The following H1-0 variants were observed in gnomAD, a reference collection of about 807,000 sequenced individuals.
H1-0 encodes the protein histone H1.0.
In H1-0, 5 loss-of-function variants were observed where a neutral mutation model predicts 8.8. The observed-to-expected ratio is 0.57, with a 90% CI of 0.30 to 1.19. The LOEUF (loss-of-function observed/expected upper bound fraction) is 1.19. Ranked by LOEUF, H1-0 falls within the 50% of genes most tolerant of loss-of-function variation. The probability of loss-of-function intolerance (pLI) is 0.08; values close to 1 mark genes in which losing one functional copy is unlikely to be tolerated. For missense variants in H1-0, 231 were observed against 242.0 expected, an observed-to-expected ratio of 0.95 and a Z score of 0.30; for synonymous variants, 143 against 101.4, an observed-to-expected ratio of 1.41 and a Z score of -2.46.
At position 37,805,965 on chromosome 22, in the gene H1-0, A is replaced by AC. The variant is rs1569075491; in HGVS notation, c.425dup (p.Val143GlyfsTer91). The AC allele has an allele frequency of 6.2e-7, 1 of 1,613,796 alleles. No homozygotes were observed. ...AGCCCCAACCAAGAAACCCAAAGCCACCCCGGTCAAGAAGGCCAAGAAGAA... is the reference window on the plus strand; with the variant it reads ...AGCCCCAACCAAGAAACCCAAAGCCACCCCCGGTCAAGAAGGCCAAGAAGAA... On this transcript the variant is annotated frameshift_variant, in exon 1 of 1. Coordinates refer to ENST00000340857, the MANE Select transcript of H1-0 (RefSeq NM_005318.4). LOFTEE classifies it high-confidence loss of function.
Position 37,805,294 on chromosome 22 carries a change from C to CG in H1-0, c.-250dup. 3.8e-4 allele frequency: 2 copies of CG among 5,326 alleles called. No individual in the cohort carries two copies. The highest frequency in any genetic ancestry group is 8.4e-4 in the Non-Finnish European group (1 of 1,190). 0.3% of individuals were successfully genotyped at this position (5,326 alleles called of 1,614,324 possible). A position where few individuals can be genotyped will look rare whatever the true frequency, so the allele number is the denominator to read the frequency against. On this transcript the variant is annotated 5_prime_UTR_variant, in exon 1 of 1. Transcript: ENST00000340857. ...CAGAGGCAGAGGCAGAGGCAGAGCC[C>CG]GAGCCCGGTGCCGAGACCAAGCGAC...
rs768026589 is a variant in H1-0 at position 37,806,025 on chromosome 22, A to C, written c.481A>C (p.Lys161Gln). 3 of 1,614,140 alleles carry C rather than the reference A, an allele frequency of 1.9e-6. No homozygotes were observed. The highest frequency in any genetic ancestry group is 1.3e-5 in the African/African-American group (1 of 75,048). The change falls in exon 1 of 1, where the codon AAG (lysine) becomes CAG (glutamine). Residue 161 changes from lysine (K) to glutamine (Q), a missense_variant. Coordinates refer to ENST00000340857, the MANE Select transcript of H1-0 (RefSeq NM_005318.4). ...AATPKKAKKP[K>Q]TVKAKPVKAS... ...CACGCCCAAGAAAGCCAAAAAACCCAAGACTGTCAAAGCCAAGCCGGTCAA... is the reference window on the plus strand; with the variant it reads ...CACGCCCAAGAAAGCCAAAAAACCCCAGACTGTCAAAGCCAAGCCGGTCAA...
At position 37,805,515 on chromosome 22, in the gene H1-0, G is replaced by C. The variant is rs752498472; in HGVS notation, c.-30G>C. On this transcript the variant is annotated 5_prime_UTR_variant, in exon 1 of 1. Coordinates refer to ENST00000340857, the MANE Select transcript of H1-0 (RefSeq NM_005318.4). The stretch of plus-strand genomic sequence containing the variant: ...GACGAGGGCTGGCCCTTTGGAAGGC[G>C]CCTTCAACAGCCGGACCAGACAGGC... The C allele has an allele frequency of 1.3e-6, 2 of 1,542,898 alleles. No individual in the cohort carries two copies. Among genetic ancestry groups the C allele is most frequent in the South Asian group, 2.3e-5 (2 of 86,522 alleles).
rs750792544 is a variant in H1-0, at chr22:37,805,960, A to G, written c.416A>G (p.Lys139Arg). 8.7e-6 allele frequency: 14 copies of G among 1,613,958 alleles called. No individual in the cohort carries two copies. The highest frequency in any genetic ancestry group is 6.6e-5 in the South Asian group (6 of 91,072). Residue 139 changes from lysine to arginine, a missense_variant, in exon 1 of 1, where the codon AAA becomes AGA. Lys to Arg is a conservative substitution (Grantham distance 26, BLOSUM62 2). Coordinates refer to ENST00000340857, the MANE Select transcript of H1-0 (RefSeq NM_005318.4). The stretch of plus-strand genomic sequence containing the variant: ...TCCAAAGCCCCAACCAAGAAACCCA[A>G]AGCCACCCCGGTCAAGAAGGCCAAG... ...AASKAPTKKP[K>R]ATPVKKAKKK...
chr22:37,805,241 G>C lies in H1-0; in HGVS notation c.-304G>C. On this transcript the variant is annotated 5_prime_UTR_variant, in exon 1 of 1. Transcript: ENST00000340857. The stretch of plus-strand genomic sequence containing the variant: ...CCGCCCAAGCGCCAGACGCGGAGCT[G>C]GGAAAAGGGAGGCAGAGGAGGCGGA... The C allele has an allele frequency of 5.1e-6, 2 of 391,412 alleles. No homozygotes were observed. The highest frequency in any genetic ancestry group is 9.3e-6 in the Non-Finnish European group (2 of 215,704). 24.2% of individuals were successfully genotyped at this position (391,412 alleles called of 1,614,324 possible). A position where few individuals can be genotyped will look rare whatever the true frequency, so the allele number is the denominator to read the frequency against.
Position 37,806,407 on chromosome 22 carries a change from T to TA in H1-0, c.*278_*279insA, listed in dbSNP as rs1920997893. ...GGGTTAGGGATTTGCGGGGGGGGCT[T>TA]GTGTGTTTTGTTGGCTTGTTTGCCA... is the stretch of plus-strand genomic sequence containing the variant. On this transcript the variant is annotated 3_prime_UTR_variant, in exon 1 of 1. Transcript: ENST00000340857. 4.8e-6 allele frequency: 2 copies of TA among 419,478 alleles called. No homozygotes were observed. The highest frequency in any genetic ancestry group is 9.6e-5 in the East Asian group (2 of 20,728). 26.0% of individuals were successfully genotyped at this position (419,478 alleles called of 1,614,324 possible).
rs752613179 is a variant in H1-0 at position 37,805,550 on chromosome 22, C to T, written c.6C>T (p.Thr2=). The T allele has an allele frequency of 3.1e-6, 5 of 1,610,684 alleles. No homozygotes were observed. Among genetic ancestry groups the T allele is most frequent in the Non-Finnish European group, 4.2e-6 (5 of 1,177,914 alleles). M[T]ENSTSAPAAK... Reference sequence around the variant, plus strand: ...GCCGGACCAGACAGGCCACCATGACCGAGAATTCCACGTCCGCCCCTGCGG... The same window carrying T: ...GCCGGACCAGACAGGCCACCATGACTGAGAATTCCACGTCCGCCCCTGCGG... Residue 2 remains threonine, a synonymous_variant, in exon 1 of 1, where the codon ACC becomes ACT. Coordinates refer to ENST00000340857, the MANE Select transcript of H1-0 (RefSeq NM_005318.4).
rs1920982504 is a variant in H1-0 at position 37,805,865 on chromosome 22, C to G, written c.321C>G (p.Phe107Leu). The G allele has an allele frequency of 3.7e-6, 6 of 1,613,804 alleles. No homozygotes were observed. The highest frequency in any genetic ancestry group is 5.1e-6 in the Non-Finnish European group (6 of 1,180,032). The change falls in exon 1 of 1, where the codon TTC (phenylalanine) becomes TTG (leucine). Residue 107 changes from phenylalanine (F) to leucine (L), a missense_variant. Physicochemically the swap from Phe to Leu is conservative, Grantham distance 22. Transcript: ENST00000340857. ...ACGAACCCAAGAAGTCAGTGGCCTT[C>G]AAGAAGACCAAGAAGGAAATCAAGA... ...KSDEPKKSVA[F>L]KKTKKEIKKV...
rs752498472 is a variant in H1-0, at chr22:37,805,515, G to A, written c.-30G>A. The A allele has an allele frequency of 1.6e-5, 25 of 1,542,780 alleles. No individual in the cohort carries two copies. The highest frequency in any genetic ancestry group is 3.4e-4 in the Middle Eastern group (2 of 5,856). Reference sequence around the variant, plus strand: ...GACGAGGGCTGGCCCTTTGGAAGGCGCCTTCAACAGCCGGACCAGACAGGC... The same window carrying A: ...GACGAGGGCTGGCCCTTTGGAAGGCACCTTCAACAGCCGGACCAGACAGGC... On this transcript the variant is annotated 5_prime_UTR_variant, in exon 1 of 1. Coordinates refer to ENST00000340857, the MANE Select transcript of H1-0 (RefSeq NM_005318.4).
In H1-0 at chr22:37,805,861, C is replaced by T. The variant is rs1920982478; in HGVS notation, c.317C>T (p.Ala106Val). 1 of 1,613,902 alleles carries T rather than the reference C, an allele frequency of 6.2e-7. No homozygotes were observed. Residue 106 changes from alanine (A) to valine (V), a missense_variant, in exon 1 of 1, where the codon GCC (alanine) becomes GTC (valine). Physicochemically the swap from Ala to Val is moderately conservative, Grantham distance 64. Coordinates refer to ENST00000340857, the MANE Select transcript of H1-0 (RefSeq NM_005318.4). The part of the protein sequence containing the change: ...AKSDEPKKSV[A>V]FKKTKKEIKK... ...AGCGACGAACCCAAGAAGTCAGTGG[C>T]CTTCAAGAAGACCAAGAAGGAAATC... is the stretch of plus-strand genomic sequence containing the variant.
Position 37,806,383 on chromosome 22 carries a change from G to A in H1-0, c.*254G>A. 2.2e-6 allele frequency: 1 copy of A among 455,030 alleles called. No individual in the cohort carries two copies. Among genetic ancestry groups the A allele is most frequent in the South Asian group, 2.9e-5 (1 of 35,018 alleles). 28.2% of individuals were successfully genotyped at this position (455,030 alleles called of 1,614,324 possible). A position where few individuals can be genotyped will look rare whatever the true frequency, so the allele number is the denominator to read the frequency against. On this transcript the variant is annotated 3_prime_UTR_variant, in exon 1 of 1. Coordinates refer to ENST00000340857, the MANE Select transcript of H1-0 (RefSeq NM_005318.4). ...TGTTTTGCTATTAACCTACTTACGGGGTTAGGGATTTGCGGGGGGGGCTTG... is the reference window on the plus strand; with the variant it reads ...TGTTTTGCTATTAACCTACTTACGGAGTTAGGGATTTGCGGGGGGGGCTTG...
rs1920977772 is a variant in H1-0 at position 37,805,486 on chromosome 22, C to T, written c.-59C>T. On this transcript the variant is annotated 5_prime_UTR_variant, in exon 1 of 1. Coordinates refer to ENST00000340857, the MANE Select transcript of H1-0 (RefSeq NM_005318.4). Reference sequence around the variant, plus strand: ...GATCCCGAGGCAGGCTTTGCTCAGCCTCCGACGAGGGCTGGCCCTTTGGAA... The same window carrying T: ...GATCCCGAGGCAGGCTTTGCTCAGCTTCCGACGAGGGCTGGCCCTTTGGAA... 2 of 1,322,304 alleles carry T rather than the reference C, an allele frequency of 1.5e-6. No homozygotes were observed. Among genetic ancestry groups the T allele is most frequent in the African/African-American group, 1.5e-5 (1 of 68,462 alleles). The allele number at this position is 1,322,304 out of a possible 1,614,324, so 81.9% of individuals were successfully genotyped here.
rs1240967182 is a variant in H1-0, at chr22:37,807,308, T to C, written c.*1179T>C. On this transcript the variant is annotated 3_prime_UTR_variant, in exon 1 of 1. Transcript: ENST00000340857. ...TGTCTTTCTCTTATTTTTAATAAAA[T>C]AGAAAAATCGCGCACTTGCGCGTCC... 6.0e-6 allele frequency: 1 copy of C among 165,552 alleles called. No individual in the cohort carries two copies. Among genetic ancestry groups the C allele is most frequent in the South Asian group, 2.1e-4 (1 of 4,832 alleles). The allele number at this position is 165,552 out of a possible 1,614,324, so 10.3% of individuals were successfully genotyped here.
Position 37,807,067 on chromosome 22 carries a change from C to G in H1-0, c.*938C>G, listed in dbSNP as rs1033398299. On this transcript the variant is annotated 3_prime_UTR_variant, in exon 1 of 1. Coordinates refer to ENST00000340857, the MANE Select transcript of H1-0 (RefSeq NM_005318.4). ...GCGGCCACTTAAAACCTCCCGATCTCTTTTTGAGTCCTTTATTATAAGTAG... is the reference window on the plus strand; with the variant it reads ...GCGGCCACTTAAAACCTCCCGATCTGTTTTTGAGTCCTTTATTATAAGTAG... 6.0e-6 allele frequency: 1 copy of G among 165,712 alleles called. No individual in the cohort carries two copies. Among genetic ancestry groups the G allele is most frequent in the Non-Finnish European group, 1.5e-5 (1 of 67,946 alleles). The allele number at this position is 165,712 out of a possible 1,614,324, so 10.3% of individuals were successfully genotyped here. A position where few individuals can be genotyped will look rare whatever the true frequency, so the allele number is the denominator to read the frequency against.
In H1-0 at chr22:37,805,560, A is replaced by T. The variant is rs762799453; in HGVS notation, c.16A>T (p.Thr6Ser). ...ACAGGCCACCATGACCGAGAATTCC[A>T]CGTCCGCCCCTGCGGCCAAGCCCAA... MTENS[T>S]SAPAAKPKRA... The change falls in exon 1 of 1, where the codon ACG becomes TCG. Residue 6 changes from threonine to serine, a missense_variant. Transcript: ENST00000340857. 5 of 1,611,838 alleles carry T rather than the reference A, an allele frequency of 3.1e-6. No individual in the cohort carries two copies. The highest frequency in any genetic ancestry group is 4.2e-6 in the Non-Finnish European group (5 of 1,178,658).
In H1-0 at chr22:37,805,317, G is replaced by T. The variant is rs890137068; in HGVS notation, c.-228G>T. ...CCCGAGCCCGGTGCCGAGACCAAGC[G>T]ACAGACCGGCGGGGCTGGGCCTCGC... On this transcript the variant is annotated 5_prime_UTR_variant, in exon 1 of 1. Coordinates refer to ENST00000340857, the MANE Select transcript of H1-0 (RefSeq NM_005318.4). 7 of 533,912 alleles carry T rather than the reference G, an allele frequency of 1.3e-5. No individual in the cohort carries two copies. The highest frequency in any genetic ancestry group is 4.9e-4 in the Middle Eastern group (1 of 2,046). The allele number at this position is 533,912 out of a possible 1,614,324, so 33.1% of individuals were successfully genotyped here.
rs1293773763 is a variant in H1-0 at position 37,807,395 on chromosome 22, A to G, written c.*1266A>G. ...GCCGGGAAAATTTTGCTGTCTTTGT[A>G]ATTTTAAAACTTTAAAATAAATTGG... On this transcript the variant is annotated 3_prime_UTR_variant, in exon 1 of 1. Coordinates refer to ENST00000340857, the MANE Select transcript of H1-0 (RefSeq NM_005318.4). 6.4e-6 allele frequency: 1 copy of G among 155,464 alleles called. No homozygotes were observed. The highest frequency in any genetic ancestry group is 1.5e-5 in the Non-Finnish European group (1 of 66,472). The allele number at this position is 155,464 out of a possible 1,614,324, so 9.6% of individuals were successfully genotyped here.
At position 37,806,039 on chromosome 22, in the gene H1-0, C is replaced by T. The variant is rs534039233; in HGVS notation, c.495C>T (p.Ala165=). The part of the protein sequence containing the change: ...KKAKKPKTVK[A]KPVKASKPKK... ...CCAAAAAACCCAAGACTGTCAAAGC[C>T]AAGCCGGTCAAGGCATCCAAGCCCA... The change falls in exon 1 of 1, where the codon GCC becomes GCT. Residue 165 remains alanine, a synonymous_variant. Coordinates refer to ENST00000340857, the MANE Select transcript of H1-0 (RefSeq NM_005318.4). The T allele has an allele frequency of 1.9e-6, 3 of 1,613,960 alleles. No homozygotes were observed. The highest frequency in any genetic ancestry group is 2.7e-5 in the African/African-American group (2 of 74,926).
chr22:37,806,984 T>C lies in H1-0; in HGVS notation c.*855T>C, dbSNP rs1921022889. The C allele has an allele frequency of 6.0e-6, 1 of 167,070 alleles. No individual in the cohort carries two copies. The highest frequency in any genetic ancestry group is 2.1e-4 in the South Asian group (1 of 4,822). 10.3% of individuals were successfully genotyped at this position (167,070 alleles called of 1,614,324 possible). A position where few individuals can be genotyped will look rare whatever the true frequency, so the allele number is the denominator to read the frequency against. On this transcript the variant is annotated 3_prime_UTR_variant, in exon 1 of 1. Transcript: ENST00000340857. ...TTGTGTCCTAGGAAGACTTTTCTTT[T>C]CCTCTGGATTTTTGTTCCTCCTGTA...
Sources: gnomAD v4.1 joint callset for allele counts on GRCh38, gnomAD v4.1.1 for gene constraint, MANE v1.5 for transcripts, NCBI Gene and HGNC (gene_info 2026-07-23, HGNC 2026-07-21) for gene names.